Variants in DDR2 observed in about 807,000 individuals in gnomAD.
DDR2 encodes the protein discoidin domain-containing receptor 2.
A neutral mutation model predicts 94.9 loss-of-function variants in DDR2; 27 were observed. That is an observed-to-expected ratio of 0.28 (90% confidence interval 0.21 to 0.39). The LOEUF (loss-of-function observed/expected upper bound fraction) is 0.39, where lower values mean the gene tolerates loss of function less well. Among genes scored for constraint, DDR2 ranks in the 10% least tolerant of loss-of-function variants. The pLI, the probability that DDR2 is intolerant of heterozygous loss-of-function variation, is 1.00. For missense variants in DDR2, 783 were observed against 1,076.0 expected, an observed-to-expected ratio of 0.73 and a Z score of 3.81; for synonymous variants, 382 against 377.2, an observed-to-expected ratio of 1.01 and a Z score of -0.15.
intron 11 of DDR2, among the ~76,000 whole-genome samples, chr1:162,768,798 A>G (rs1571314737): frequency 6.6e-6 from 1 of 152,348 alleles, no homozygotes; most frequent in Admixed American, 6.5e-5. Flanking sequence ...AAAGCTTTCA[A>G]TTCGCAAATA....
At chr1:162,719,433 T>C (rs1558044450) in intron 3 of DDR2, among the ~76,000 whole-genome samples, 1 of 152,222 alleles carries the variant, frequency 6.6e-6, no homozygotes, top group Non-Finnish European at 1.5e-5. Flanking sequence ...AACCATTTGC[T>C]TCTGCATCTT....
At chr1:162,681,513 T>C (rs1659398817) in intron 2 of DDR2, among the ~76,000 whole-genome samples, 1 of 152,150 alleles carries the variant, frequency 6.6e-6, no homozygotes, top group Non-Finnish European at 1.5e-5. Flanking sequence ...TGTCACAAAC[T>C]ACCATATGCA....
chr1:162,684,966 A>G (rs960561902), intron 2 of DDR2, among the ~76,000 whole-genome samples: 1 of 152,180 alleles, frequency 6.6e-6, no homozygotes, highest in African/African-American at 2.4e-5. Flanking sequence ...ATAACACTCA[A>G]ACTTGAATTG....
In DDR2 at chr1:162,777,410, T is replaced by A. The variant is rs572272420; in HGVS notation, c.2283+1040T>A. On this transcript the variant is annotated intron_variant, in intron 16 of 17. Coordinates refer to ENST00000367921, the MANE Select transcript of DDR2 (RefSeq NM_006182.4). ...GTAGATATATACTATAACTTAATAATGCCTCTATAATTTGATATTTAAGTA... is the reference window on the plus strand; with the variant it reads ...GTAGATATATACTATAACTTAATAAAGCCTCTATAATTTGATATTTAAGTA... Among the ~76,000 whole-genome samples, 140 of 152,278 alleles carry A rather than the reference T, an allele frequency of 9.2e-4. 1 individual carries two copies. Among genetic ancestry groups the A allele is most frequent in the African/African-American group, 3.2e-3 (134 of 41,568 alleles).
chr1:162,758,743 C>T (rs927315555), intron 7 of DDR2, among the ~76,000 whole-genome samples: 10 of 151,882 alleles, frequency 6.6e-5, no homozygotes, highest in African/African-American at 1.2e-4. Context: ...TTATTTTTTG[C>T]GATTCACAAA....
intron 2 of DDR2, among the ~76,000 whole-genome samples, chr1:162,658,426 A>C (rs1178729381): frequency 6.6e-6 from 1 of 152,154 alleles, no homozygotes; most frequent in African/African-American, 2.4e-5. Flanking sequence ...CTGTGCCAGG[A>C]TTATTTTAGA....
Position 162,677,325 on chromosome 1 carries a change from T to C in DDR2, c.-28+21951T>C, listed in dbSNP as rs534135177. The stretch of plus-strand genomic sequence containing the variant: ...AACTTCAAATTTACTGAGGGTTTAC[T>C]GTGGAAGACTTAGTCAAGAGGGCAA... On this transcript the variant is annotated intron_variant, in intron 2 of 17. Coordinates refer to ENST00000367921, the MANE Select transcript of DDR2 (RefSeq NM_006182.4). Among the ~76,000 whole-genome samples the C allele has an allele frequency of 9.2e-5, 14 of 152,324 alleles. No individual in the cohort carries two copies. In the East Asian group the frequency reaches 2.5e-3, roughly 27 times the overall value.
intron 2 of DDR2, among the ~76,000 whole-genome samples, chr1:162,689,559 T>G (rs1659862216): frequency 7.2e-6 from 1 of 138,794 alleles, no homozygotes; most frequent in Admixed American, 7.4e-5. Flanking sequence ...AAAGACTGTC[T>G]TATTGGTCTC....
chr1:162,712,243 T>G (rs980230217), intron 2 of DDR2, among the ~76,000 whole-genome samples: 3 of 148,784 alleles, frequency 2.0e-5, no homozygotes, highest in African/African-American at 7.5e-5. Flanking sequence ...GAGCCACATA[T>G]TCATTGAAGT....
intron 1 of DDR2, among the ~76,000 whole-genome samples, chr1:162,636,806 A>G (rs1168931943): frequency 1.3e-5 from 2 of 152,168 alleles, no homozygotes; most frequent in Non-Finnish European, 2.9e-5. Context: ...GGTAGCCAAA[A>G]TAATTGAGAT....
intron 3 of DDR2, among the ~76,000 whole-genome samples, chr1:162,728,182 T>TTA (rs1225048763): frequency 8.5e-5 from 12 of 141,314 alleles, no homozygotes; most frequent in Non-Finnish European, 1.1e-4. Flanking sequence ...AGATATCTCT[T>TTA]TATATATATA....
chr1:162,659,656 A>T (rs546302272), intron 2 of DDR2, among the ~76,000 whole-genome samples: 1 of 152,294 alleles, frequency 6.6e-6, no homozygotes, highest in Non-Finnish European at 1.5e-5. Context: ...GCAGGGAAGG[A>T]TGACTTTACT....
At chr1:162,747,171 A>T (rs1186702274) in intron 3 of DDR2, among the ~76,000 whole-genome samples, 2 of 152,250 alleles carry the variant, frequency 1.3e-5, no homozygotes, top group Non-Finnish European at 2.9e-5. Context: ...AATGACTTTG[A>T]CAAGATGACA....
At chr1:162,679,035 C>T (rs543980304) in intron 2 of DDR2, among the ~76,000 whole-genome samples, 2 of 151,954 alleles carry the variant, frequency 1.3e-5, no homozygotes, top group South Asian at 4.2e-4. Context: ...AAGAGTGACA[C>T]TCACTAGCTC....
chr1:162,668,525 G>T (rs1322940753), intron 2 of DDR2, among the ~76,000 whole-genome samples: 2 of 152,168 alleles, frequency 1.3e-5, no homozygotes, highest in African/African-American at 4.8e-5. Context: ...GAAGGTTCTA[G>T]AGAAGCATCT....
chr1:162,726,258 C>T (rs540433619), intron 3 of DDR2, among the ~76,000 whole-genome samples: 3 of 152,264 alleles, frequency 2.0e-5, no homozygotes, highest in East Asian at 3.9e-4. Flanking sequence ...TCTATACTGT[C>T]CTTTATATTT....
chr1:162,653,582 C>CA (rs35833530), intron 1 of DDR2, among the ~76,000 whole-genome samples: 69 of 145,980 alleles, frequency 4.7e-4, no homozygotes, highest in African/African-American at 1.6e-3. Flanking sequence ...GACTCTGTCT[C>CA]AAAAAAAAAA....
At chr1:162,767,841 C>T (rs1664077152) in intron 11 of DDR2, among the ~76,000 whole-genome samples, 1 of 29,324 alleles carries the variant, frequency 3.4e-5, no homozygotes, top group Non-Finnish European at 9.8e-5. Context: ...TGTAGAAAAA[C>T]ATCCAGCTTC....
At chr1:162,779,223 C>A (rs758051613) in intron 17 of DDR2, among the ~76,000 whole-genome samples, 29 of 152,108 alleles carry the variant, frequency 1.9e-4, no homozygotes, top group Non-Finnish European at 3.8e-4. Flanking sequence ...CATCTCTGGG[C>A]CCAGTATTGT....
Sources: allele counts gnomAD v4.1 joint callset (sites outside exome capture counted in the v4.1 genomes callset), GRCh38; gene constraint gnomAD v4.1.1; transcripts MANE v1.5; gene names NCBI Gene and HGNC (gene_info 2026-07-23, HGNC 2026-07-21).